Variants in GALNT2 observed in about 807,000 individuals in gnomAD.
GALNT2 encodes the protein UDP-GalNAc:polypeptide N-acetylgalactosaminyltransferase 2.
Under a neutral mutation model 81.4 loss-of-function variants are expected in GALNT2, and 31 were observed. That is an observed-to-expected ratio of 0.38 (90% CI 0.29 to 0.51). The LOEUF is 0.51. Ranked by LOEUF, GALNT2 falls within the 20% of genes least tolerant of loss-of-function variation. GALNT2 has a pLI of 0.87. For missense variants in GALNT2, 629 were observed against 765.7 expected, an observed-to-expected ratio of 0.82 and a Z score of 2.11; for synonymous variants, 303 against 287.4, an observed-to-expected ratio of 1.05 and a Z score of -0.55.
chr1:230,274,639 C>T lies in GALNT2; in HGVS notation c.1560+75C>T. 1.9e-6 allele frequency: 3 copies of T among 1,550,250 alleles called. No homozygotes were observed. The South Asian group carries it at 3.6e-5, about 19-fold the overall frequency. ...TAGCCACGGCCTGCGCCCTCTTGCT[C>T]TGTGCTGCCTCTCAAAGCATCCATC... On this transcript the variant is annotated intron_variant, in intron 15 of 15. Transcript: ENST00000366672.
At chr1:230,244,594 G>A (rs771607659) in intron 7 of GALNT2, among the ~76,000 whole-genome samples, 16 of 151,542 alleles carry the variant, frequency 1.1e-4, no homozygotes, top group Non-Finnish European at 2.4e-4. Context: ...GAAGGTCACC[G>A]AGCTCAGTGG....
chr1:230,228,883 C>A (rs962774341), intron 3 of GALNT2, among the ~76,000 whole-genome samples: 1 of 152,176 alleles, frequency 6.6e-6, no homozygotes, highest in Admixed American at 6.5e-5. Flanking sequence ...ACTAATATTT[C>A]TATAATACTG....
intron 1 of GALNT2, among the ~76,000 whole-genome samples, chr1:230,122,984 A>T (rs1429695438): frequency 6.6e-6 from 1 of 152,156 alleles, no homozygotes; most frequent in Non-Finnish European, 1.5e-5. Context: ...GATGTGCAGT[A>T]GTGATTTATC....
chr1:230,188,095 C>T (rs1351745337), intron 2 of GALNT2, among the ~76,000 whole-genome samples: 1 of 152,094 alleles, frequency 6.6e-6, no homozygotes, highest in Non-Finnish European at 1.5e-5. Flanking sequence ...TTCCCTGCCT[C>T]CTGTTTGTAT....
intron 11 of GALNT2, chr1:230,261,869 G>A (rs1293712011): frequency 6.6e-6 from 1 of 152,118 alleles, no homozygotes; most frequent in Non-Finnish European, 1.5e-5. Flanking sequence ...ATTTTAGCTG[G>A]GTGTGGTGGT....
intron 3 of GALNT2, among the ~76,000 whole-genome samples, chr1:230,232,052 G>A (rs1664881383): frequency 6.6e-6 from 1 of 152,190 alleles, no homozygotes; most frequent in South Asian, 2.1e-4. Context: ...TCTTTCACTA[G>A]TTCTGGAGTA....
At chr1:230,150,575 TGAAAG>T (rs1415410452) in intron 1 of GALNT2, among the ~76,000 whole-genome samples, 1 of 152,252 alleles carries the variant, frequency 6.6e-6, no homozygotes, top group East Asian at 1.9e-4. Flanking sequence ...GACTTGATTC[TGAAAG>T]GAAAGTCTCA....
upstream of GALNT2, among the ~76,000 whole-genome samples, chr1:230,063,078 T>G (rs979147529): frequency 6.6e-6 from 1 of 152,098 alleles, no homozygotes; most frequent in Non-Finnish European, 1.5e-5. Context: ...TTTGGGAGGC[T>G]GAGGCAGGTG....
intron 3 of GALNT2, among the ~76,000 whole-genome samples, chr1:230,222,101 A>C (rs770099580): frequency 1.5e-5 from 2 of 137,440 alleles, no homozygotes; most frequent in Non-Finnish European, 3.0e-5. Flanking sequence ...ATCTCAGCTC[A>C]CTGCAAGCTC....
At chr1:230,224,242 T>C (rs1664638750) in intron 3 of GALNT2, among the ~76,000 whole-genome samples, 1 of 152,196 alleles carries the variant, frequency 6.6e-6, no homozygotes, top group African/African-American at 2.4e-5. Context: ...GAATGTGCAG[T>C]GTTCACATTG....
intron 1 of GALNT2, among the ~76,000 whole-genome samples, chr1:230,173,220 C>T (rs1389803447): frequency 1.3e-5 from 2 of 152,212 alleles, no homozygotes; most frequent in Non-Finnish European, 2.9e-5. Context: ...TACTTTAGGG[C>T]ATCTAGGTCT....
At chr1:230,188,961 A>G (rs552885383) in intron 2 of GALNT2, among the ~76,000 whole-genome samples, 1 of 151,348 alleles carries the variant, frequency 6.6e-6, no homozygotes, top group South Asian at 2.1e-4. Context: ...TGGCAGAAGG[A>G]CTGGCAAAGG....
chr1:230,243,323 G>T lies in GALNT2; in HGVS notation c.625G>T (p.Val209Phe). ...CTCTGCAGGCCTCATGCGCTCACGG[G>T]TTCGGGGGGCCGATGCTGCCCAAGC... ...DRREGLMRSR[V>F]RGADAAQAKV... The change falls in exon 7 of 16, where the codon GTT (valine) becomes TTT (phenylalanine). Residue 209 changes from valine to phenylalanine, a missense_variant. Transcript: ENST00000366672. This position sits in a 1 kb window ranked among gnomAD's most constrained non-coding sequence, Gnocchi z 4.2. 6.2e-7 allele frequency: 1 copy of T among 1,607,538 alleles called. No homozygotes were observed.
chr1:230,083,387 G>A (rs1167079558), intron 1 of GALNT2, among the ~76,000 whole-genome samples: 4 of 148,556 alleles, frequency 2.7e-5, no homozygotes, highest in African/African-American at 1.0e-4. Context: ...AGCAGGGAGT[G>A]GGATGATGGA....
In GALNT2 at chr1:230,158,685, G is replaced by C. The variant is rs140355963; in HGVS notation, c.127-19533G>C. ...AAGTGTTCCTGTCATTTCCCTCCAC[G>C]TAAACCAAGTCAGGCTTGCAAATCA... On this transcript the variant is annotated intron_variant, in intron 1 of 15. Coordinates refer to ENST00000366672, the MANE Select transcript of GALNT2 (RefSeq NM_004481.5). 4.1e-3 allele frequency among the ~76,000 whole-genome samples: 619 copies of C among 152,282 alleles called. 15 individuals carry two copies. The East Asian group carries it at 0.068, about 17-fold the overall frequency.
In GALNT2 at chr1:230,257,365, A is replaced by G. The variant is rs1247876386; in HGVS notation, c.1136+2021A>G. On this transcript the variant is annotated intron_variant, in intron 11 of 15. Transcript: ENST00000366672. The surrounding 1 kb of genome is among the most constrained non-coding windows in gnomAD (Gnocchi z 4.6). Reference sequence around the variant, plus strand: ...TGCAGTAGCCCAGGCCAGAGATGTGATACAGTCATGCACCTGTAACAGCGT... The same window carrying G: ...TGCAGTAGCCCAGGCCAGAGATGTGGTACAGTCATGCACCTGTAACAGCGT... 6.6e-6 allele frequency among the ~76,000 whole-genome samples: 1 copy of G among 152,222 alleles called. No homozygotes were observed. The highest frequency in any genetic ancestry group is 1.5e-5 in the Non-Finnish European group (1 of 68,032).
intron 13 of GALNT2, chr1:230,264,897 C>CT (rs1046578557): frequency 9.2e-6 from 2 of 217,528 alleles, no homozygotes; most frequent in Non-Finnish European, 1.8e-5. Context: ...GCAACAGGAT[C>CT]TGACCACATT....
At chr1:230,104,792 G>A (rs962301301) in intron 1 of GALNT2, among the ~76,000 whole-genome samples, 5 of 152,184 alleles carry the variant, frequency 3.3e-5, no homozygotes, top group South Asian at 2.1e-4. Flanking sequence ...CGGCTGGCCC[G>A]TCATTACTGG....
Position 230,275,463 on chromosome 1 carries a change from T to C in GALNT2, c.1560+899T>C, listed in dbSNP as rs1403125056. On this transcript the variant is annotated intron_variant, in intron 15 of 15. Coordinates refer to ENST00000366672, the MANE Select transcript of GALNT2 (RefSeq NM_004481.5). The surrounding 1 kb of genome is among the most constrained non-coding windows in gnomAD (Gnocchi z 5.5). The stretch of plus-strand genomic sequence containing the variant: ...TATATACACGCCACATATATACATA[T>C]ATACAAACACCACATATATATACAT... 2.6e-5 allele frequency among the ~76,000 whole-genome samples: 4 copies of C among 151,216 alleles called. No homozygotes were observed. The highest frequency in any genetic ancestry group is 5.9e-5 in the Non-Finnish European group (4 of 67,778).
Sources: gnomAD v4.1 joint callset for allele counts (sites outside exome capture counted in the v4.1 genomes callset) on GRCh38, gnomAD v4.1.1 for gene constraint, Gnocchi (gnomAD v3.1) non-coding constraint, MANE v1.5 for transcripts, NCBI Gene and HGNC (gene_info 2026-07-23, HGNC 2026-07-21) for gene names.